Variants in RUFY1 observed in about 807,000 individuals in gnomAD.
RUFY1 encodes RUN and FYVE domain containing 1, also known as RUN and FYVE domain-containing protein 1.
A neutral mutation model predicts 94.6 loss-of-function variants in RUFY1; 54 were observed. That is an observed-to-expected ratio of 0.57 (90% CI 0.46 to 0.72). The LOEUF (loss-of-function observed/expected upper bound fraction) is 0.72, where lower values mean the gene tolerates loss of function less well. Ranked by LOEUF, RUFY1 falls within the 30% of genes least tolerant of loss-of-function variation. RUFY1 has a pLI of 0.00. For missense variants in RUFY1, 883 were observed against 883.9 expected (o/e 1.00, Z 0.01); for synonymous variants, 396 against 347.3 (o/e 1.14, Z -1.56).
chr5:179,608,845 C>T (rs1202094894), intron 17 of RUFY1, among the ~76,000 whole-genome samples: 4 of 150,830 alleles, frequency 2.7e-5, no homozygotes, highest in Non-Finnish European at 4.4e-5. Context: ...GCAGGAGAAT[C>T]GCTTGAACCC....
chr5:179,561,678 CTTTTTTTTT>C (rs71001004), intron 2 of RUFY1, among the ~76,000 whole-genome samples: 1 of 64,606 alleles, frequency 1.5e-5, no homozygotes. Flanking sequence ...TTTTTTCTTT[CTTTTTTTTT>C]TTTTTTTTTT....
At chr5:179,583,386 T>C (rs1344408067) in intron 7 of RUFY1, among the ~76,000 whole-genome samples, 3 of 143,062 alleles carry the variant, frequency 2.1e-5, no homozygotes, top group African/African-American at 7.8e-5. Flanking sequence ...GGGTTTTCTT[T>C]TGAGGATATA....
intron 4 of RUFY1, among the ~76,000 whole-genome samples, chr5:179,567,831 G>A (rs1051960432): frequency 4.6e-5 from 7 of 152,030 alleles, no homozygotes; most frequent in South Asian, 2.1e-4. Context: ...TCGAACCCGC[G>A]AGGCGGAGGT....
chr5:179,554,724 T>C (rs1403857252), intron 1 of RUFY1, among the ~76,000 whole-genome samples: 1 of 151,824 alleles, frequency 6.6e-6, no homozygotes, highest in Non-Finnish European at 1.5e-5. Flanking sequence ...TCCCAGCACT[T>C]TGGGAGGCCG....
chr5:179,590,035 C>T (rs1764919411), intron 9 of RUFY1, among the ~76,000 whole-genome samples: 1 of 152,160 alleles, frequency 6.6e-6, no homozygotes, highest in Non-Finnish European at 1.5e-5. Context: ...GCTTGCAGCT[C>T]TATCACATGA....
chr5:179,594,083 C>T (rs1422912109), intron 11 of RUFY1, among the ~76,000 whole-genome samples: 1 of 151,696 alleles, frequency 6.6e-6, no homozygotes, highest in African/African-American at 2.4e-5. Flanking sequence ...GCGGGCAGAT[C>T]ACGAGGTCAG....
chr5:179,596,677 C>A lies in RUFY1; in HGVS notation c.1627C>A (p.Gln543Lys). 2 of 1,597,036 alleles carry A rather than the reference C, an allele frequency of 1.3e-6. No individual in the cohort carries two copies. The highest frequency in any genetic ancestry group is 1.1e-5 in the South Asian group (1 of 89,118). Reference sequence around the variant, plus strand: ...GCTGCAGCTCTCCCAGCTGCACGAGCAATGGTAGGGGCCCTGCAGGGAGCC... The same window carrying A: ...GCTGCAGCTCTCCCAGCTGCACGAGAAATGGTAGGGGCCCTGCAGGGAGCC... ...LQLQLSQLHE[Q>K]CSSLEKELKS... Residue 543 changes from glutamine to lysine, a missense_variant, in exon 13 of 18, where the codon CAA (glutamine) becomes AAA (lysine). Gln to Lys is a moderately conservative substitution (Grantham distance 53). Coordinates refer to ENST00000319449, the MANE Select transcript of RUFY1 (RefSeq NM_025158.5).
chr5:179,586,362 G>A (rs1189749470), intron 8 of RUFY1: 2 of 456,764 alleles, frequency 4.4e-6, no homozygotes, highest in Admixed American at 4.7e-5. Context: ...GACAAAGGAG[G>A]GCTGAGCCGA....
At chr5:179,590,055 G>A (rs960896058) in intron 9 of RUFY1, among the ~76,000 whole-genome samples, 1 of 152,090 alleles carries the variant, frequency 6.6e-6, no homozygotes, top group African/African-American at 2.4e-5. Flanking sequence ...ATGACTTGAG[G>A]ATAGAAACCA....
chr5:179,576,930 A>G, intron 5 of RUFY1, 145 bp from the exon 6 acceptor site: 3 of 573,370 alleles, frequency 5.2e-6, no homozygotes, highest in Non-Finnish European at 9.3e-6. Flanking sequence ...TGGTTTGTTC[A>G]ATTGATTTCC....
chr5:179,580,950 TG>T lies in RUFY1; in HGVS notation c.895del (p.Glu299LysfsTer20). 1 of 1,594,546 alleles carries T rather than the reference TG, an allele frequency of 6.3e-7. No homozygotes were observed. The highest frequency in any genetic ancestry group is 8.6e-7 in the Non-Finnish European group (1 of 1,166,072). On this transcript the variant is annotated frameshift_variant, in exon 7 of 18. Coordinates refer to ENST00000319449, the MANE Select transcript of RUFY1 (RefSeq NM_025158.5). LOFTEE classifies it high-confidence loss of function. ...CTTCTTATGCTCCTTTTAAAAGGCA[TG>T]AAAGAATTACTGATGTCCTTGATCA... ...VQDLDGGKEH[E>X]RITDVLDQKN...
chr5:179,564,119 C>CTTTTTTTTT (rs59530799), intron 3 of RUFY1, among the ~76,000 whole-genome samples: 1 of 133,538 alleles, frequency 7.5e-6, no homozygotes, highest in Non-Finnish European at 1.6e-5. Flanking sequence ...CTGATGTTTT[C>CTTTTTTTTT]TTTTTTTTTT....
chr5:179,590,866 T>TG (rs1765023099), intron 9 of RUFY1: 1 of 150,674 alleles, frequency 6.6e-6, no homozygotes, highest in Non-Finnish European at 1.5e-5. Flanking sequence ...AACAGAGTCT[T>TG]GCTGTCACCC....
intron 8 of RUFY1, 61 bp downstream of exon 8, chr5:179,585,926 G>T (rs1462309216): frequency 5.9e-5 from 80 of 1,347,454 alleles, no homozygotes; most frequent in Middle Eastern, 1.8e-4. Context: ...AAGAGAATCT[G>T]TGTAGTCGGT....
At chr5:179,597,457 C>T (rs1014846059) in intron 13 of RUFY1, among the ~76,000 whole-genome samples, 9 of 152,008 alleles carry the variant, frequency 5.9e-5, no homozygotes, top group East Asian at 1.9e-4. Flanking sequence ...AGGATGGTCT[C>T]GATCTCCTCA....
At position 179,550,650 on chromosome 5, in the gene RUFY1, G is replaced by C. The variant is rs781524581; in HGVS notation, c.81G>C (p.Gly27=). Residue 27 remains glycine (G), a synonymous_variant, in exon 1 of 18, where the codon GGG becomes GGC. Transcript: ENST00000319449. ...EPELEPGPGP[G]SALEPGEEFE... ...AGCTGGAGCCGGGGCCGGGGCCCGGGTCAGCGCTTGAGCCGGGAGAAGAGT... is the reference window on the plus strand; with the variant it reads ...AGCTGGAGCCGGGGCCGGGGCCCGGCTCAGCGCTTGAGCCGGGAGAAGAGT... 6.9e-7 allele frequency: 1 copy of C among 1,451,404 alleles called. No homozygotes were observed. 89.9% of individuals were successfully genotyped at this position (1,451,404 alleles called of 1,614,324 possible).
chr5:179,550,610 G>GGGAGGT lies in RUFY1; in HGVS notation c.45_46insGTGGAG (p.Glu15_Leu16insValGlu). On this transcript the variant is annotated inframe_insertion, in exon 1 of 18. Coordinates refer to ENST00000319449, the MANE Select transcript of RUFY1 (RefSeq NM_025158.5). The stretch of plus-strand genomic sequence containing the variant: ...GGCGGCTGCGCTGCTGGGCGGGGGC[G>GGGAGGT]GGAGCTGGAGCCGGAGCTGGAGCCG... The GGGAGGT allele has an allele frequency of 7.6e-7, 1 of 1,317,248 alleles. No homozygotes were observed. The highest frequency in any genetic ancestry group is 9.6e-7 in the Non-Finnish European group (1 of 1,041,812). 81.6% of individuals were successfully genotyped at this position (1,317,248 alleles called of 1,614,324 possible).
At chr5:179,605,972 T>A in intron 16 of RUFY1, 48 bp downstream of exon 16, 3 of 1,242,414 alleles carry the variant, frequency 2.4e-6, no homozygotes, top group Non-Finnish European at 3.6e-6. Flanking sequence ...TTGTGCTGAC[T>A]GCCCGTGTGC....
In RUFY1 at chr5:179,607,791, C is replaced by T. The variant is rs1767263939; in HGVS notation, c.1983+132C>T. ...GACTGTGCTGACTGTGGCAGATGGG[C>T]AGCCCCGCCTCTCCTGTTTGCCTGT... On this transcript the variant is annotated intron_variant, in intron 17 of 17. Transcript: ENST00000319449. The T allele has an allele frequency of 8.1e-6, 6 of 739,590 alleles. No homozygotes were observed. In the South Asian group the frequency reaches 8.6e-5, roughly 11 times the overall value. 45.8% of individuals were successfully genotyped at this position (739,590 alleles called of 1,614,324 possible).
Sources: allele counts gnomAD v4.1 joint callset (sites outside exome capture counted in the v4.1 genomes callset), GRCh38; gene constraint gnomAD v4.1.1; transcripts MANE v1.5; gene names NCBI Gene and HGNC (gene_info 2026-07-23, HGNC 2026-07-21).